The following KAT6B variants were observed in gnomAD, a reference collection of about 807,000 sequenced individuals.
The protein encoded by KAT6B is histone acetyltransferase KAT6B.
KAT6B carries 10 observed loss-of-function variants against 187.5 expected under a neutral mutation model. The ratio of observed to expected loss-of-function variants is 0.05; its 90% CI spans 0.03 to 0.09. The LOEUF (loss-of-function observed/expected upper bound fraction) is 0.09. Among genes scored for constraint, KAT6B ranks in the 10% least tolerant of loss-of-function variants. The pLI, the probability that KAT6B is intolerant of heterozygous loss-of-function variation, is 1.00. For synonymous variants in KAT6B, 861 were observed against 926.8 expected (o/e 0.93, Z 1.29); for missense variants, 1,952 against 2,558.9 (o/e 0.76, Z 5.12).
chr10:74,853,035 C>T (rs934342106), intron 3 of KAT6B, among the ~76,000 whole-genome samples: 5 of 150,718 alleles, frequency 3.3e-5, no homozygotes, highest in Admixed American at 6.6e-5. Context: ...AACAAATGTA[C>T]GTTTTAATGT....
At chr10:74,872,005 A>G (rs1018802172) in intron 3 of KAT6B, among the ~76,000 whole-genome samples, 1 of 152,242 alleles carries the variant, frequency 6.6e-6, no homozygotes, top group Admixed American at 6.5e-5. Flanking sequence ...TAAAAATCAA[A>G]GGAAAACAGG....
At chr10:74,867,018 TGCCCA>T (rs1843597902) in intron 3 of KAT6B, among the ~76,000 whole-genome samples, 1 of 152,212 alleles carries the variant, frequency 6.6e-6, no homozygotes, top group South Asian at 2.1e-4. Flanking sequence ...CTGTTTATAG[TGCCCA>T]TTATGTCTTT....
chr10:74,955,988 A>G (rs1420181160), intron 3 of KAT6B, among the ~76,000 whole-genome samples: 1 of 152,080 alleles, frequency 6.6e-6, no homozygotes, highest in Non-Finnish European at 1.5e-5. Context: ...CAGTGGTGCA[A>G]TCACGACTCA....
At chr10:74,954,268 A>G (rs1176680506) in intron 3 of KAT6B, among the ~76,000 whole-genome samples, 1 of 152,226 alleles carries the variant, frequency 6.6e-6, no homozygotes, top group East Asian at 1.9e-4. Flanking sequence ...TAGCTAGAAT[A>G]ATCAAATGCA....
intron 13 of KAT6B, among the ~76,000 whole-genome samples, chr10:75,020,219 A>G (rs926477284): frequency 2.0e-5 from 3 of 152,220 alleles, no homozygotes; most frequent in South Asian, 2.1e-4. Context: ...ATTTCTGAGT[A>G]AGTGCCTGAC....
chr10:75,004,938 C>G (rs1844102375), intron 13 of KAT6B, among the ~76,000 whole-genome samples: 1 of 151,878 alleles, frequency 6.6e-6, no homozygotes, highest in South Asian at 2.1e-4. Context: ...TGGTTTCCAA[C>G]TCCTGGCTTC....
chr10:74,827,920 CTGAT>C (rs1001962418), intron 1 of KAT6B, among the ~76,000 whole-genome samples: 3 of 152,098 alleles, frequency 2.0e-5, no homozygotes, highest in African/African-American at 4.8e-5. Flanking sequence ...CTCTGCCTGA[CTGAT>C]GGGATTACAG....
chr10:75,019,043 G>A (rs921240288), intron 13 of KAT6B, among the ~76,000 whole-genome samples: 6 of 152,130 alleles, frequency 3.9e-5, no homozygotes, highest in African/African-American at 9.7e-5. Flanking sequence ...GCTCTTCTTC[G>A]TGTTGACAGG....
At position 75,028,931 on chromosome 10, in the gene KAT6B, G is replaced by GGAA. The variant is rs751483850; in HGVS notation, c.4118_4120dup (p.Glu1373dup). The GGAA allele has an allele frequency of 9.2e-5, 147 of 1,605,630 alleles. No homozygotes were observed. The African/African-American group carries it at 1.2e-3, about 13-fold the overall frequency. On this transcript the variant is annotated inframe_insertion, in exon 18 of 18. Coordinates refer to ENST00000287239, the MANE Select transcript of KAT6B (RefSeq NM_012330.4). ...AGGAAGAAGAGGAAGAAGAGGAAGG[G>GGAA]GAAGAAGAAGAAGGAGGAGGAAATG...
rs1763329461 is a variant in KAT6B, at chr10:74,975,445, G to A, written c.1108G>A (p.Gly370Arg). The A allele has an allele frequency of 1.2e-6, 2 of 1,613,906 alleles. No homozygotes were observed. The highest frequency in any genetic ancestry group is 1.3e-5 in the African/African-American group (1 of 74,864). Residue 370 changes from glycine to arginine, a missense_variant, in exon 8 of 18, where the codon GGG becomes AGG. By Grantham distance (125) the Gly-to-Arg change is moderately radical (BLOSUM62 -2). Around this residue, in one of 9 missense-constraint regions of KAT6B, gnomAD observed 417 missense variants for 508.9 expected, o/e 0.82. Coordinates refer to ENST00000287239, the MANE Select transcript of KAT6B (RefSeq NM_012330.4). The stretch of plus-strand genomic sequence containing the variant: ...ATCCATGAATGCATTCACAGGAAGG[G>A]GGTCACCTGGTAGGGGTCAAAAGAC... ...EGSMNAFTGRGSPGRGQKTKV... is the reference protein window; with the variant it reads ...EGSMNAFTGRRSPGRGQKTKV...
At chr10:74,903,855 CA>C (rs1183855724) in intron 3 of KAT6B, among the ~76,000 whole-genome samples, 1 of 152,200 alleles carries the variant, frequency 6.6e-6, no homozygotes, top group Non-Finnish European at 1.5e-5. Flanking sequence ...AGCTGTCTCT[CA>C]GGGGTAGACT....
rs1388092193 is a variant in KAT6B at position 74,843,216 on chromosome 10, A to C, written c.359A>C (p.Glu120Ala). The C allele has an allele frequency of 6.2e-7, 1 of 1,614,278 alleles. No individual in the cohort carries two copies. The highest frequency in any genetic ancestry group is 1.3e-5 in the African/African-American group (1 of 75,076). Reference protein sequence around the residue: ...LLRRAIEGLEEPNGSSLKNIE... With the variant: ...LLRRAIEGLEAPNGSSLKNIE... ...AGGAGAGCAATTGAAGGACTTGAGGAGCCGAATGGCTCCTCCCTGAAGAAC... is the reference window on the plus strand; with the variant it reads ...AGGAGAGCAATTGAAGGACTTGAGGCGCCGAATGGCTCCTCCCTGAAGAAC... The change falls in exon 3 of 18, where the codon GAG becomes GCG. Residue 120 changes from glutamate to alanine, a missense_variant. Around this residue, in one of 9 missense-constraint regions of KAT6B, gnomAD observed 218 missense variants for 282.6 expected, o/e 0.77. Coordinates refer to ENST00000287239, the MANE Select transcript of KAT6B (RefSeq NM_012330.4).
chr10:74,970,843 G>A (rs12257214), intron 6 of KAT6B, among the ~76,000 whole-genome samples: 4,397 of 152,162 alleles, frequency 0.029, 227 homozygotes, highest in African/African-American at 0.1. Context: ...TTTTTGTAAT[G>A]TACTTTTTCC....
At chr10:75,007,239 G>A (rs1844273939) in intron 13 of KAT6B, among the ~76,000 whole-genome samples, 1 of 152,058 alleles carries the variant, frequency 6.6e-6, no homozygotes, top group Non-Finnish European at 1.5e-5. Context: ...TCTTGCCAGT[G>A]GATGGAACCC....
At chr10:74,840,189 G>C (rs940243891) in intron 2 of KAT6B, among the ~76,000 whole-genome samples, 2 of 152,156 alleles carry the variant, frequency 1.3e-5, no homozygotes, top group Non-Finnish European at 2.9e-5. Context: ...CTGTAATTTG[G>C]GTTGCATTTA....
chr10:74,930,290 C>T (rs1848783404), intron 3 of KAT6B, among the ~76,000 whole-genome samples: 1 of 152,068 alleles, frequency 6.6e-6, no homozygotes, highest in Admixed American at 6.6e-5. Flanking sequence ...CTCTTTTGTA[C>T]CAGATATATT....
intron 3 of KAT6B, among the ~76,000 whole-genome samples, chr10:74,888,805 T>TA (rs1407294343): frequency 6.6e-6 from 1 of 152,180 alleles, no homozygotes; most frequent in Non-Finnish European, 1.5e-5. Flanking sequence ...AGCCAGCATA[T>TA]AGAATGCGAT....
At chr10:75,023,793 C>T (rs1040538726) in intron 16 of KAT6B, 1 of 152,098 alleles carries the variant, frequency 6.6e-6, no homozygotes, top group Non-Finnish European at 1.5e-5. Flanking sequence ...ATCATTTGAG[C>T]TCAGGAGTTC....
chr10:75,006,841 C>G (rs1203556032), intron 13 of KAT6B, among the ~76,000 whole-genome samples: 2 of 40,518 alleles, frequency 4.9e-5, no homozygotes, highest in Non-Finnish European at 9.0e-5. Flanking sequence ...CCGAGGCAGG[C>G]GGATTGCCTG....
Sources: allele counts gnomAD v4.1 joint callset (sites outside exome capture counted in the v4.1 genomes callset), GRCh38; gene constraint gnomAD v4.1.1; regional missense constraint gnomAD v4.1.1; transcripts MANE v1.5; gene names NCBI Gene and HGNC (gene_info 2026-07-23, HGNC 2026-07-21).